The following ARL8B variants were observed in gnomAD, a reference collection of about 807,000 sequenced individuals.
ARL8B encodes the protein ADP-ribosylation factor-like protein 8B.
In ARL8B, 9 loss-of-function variants were observed where a neutral mutation model predicts 30.6. The ratio of observed to expected loss-of-function variants is 0.29; its 90% confidence interval spans 0.18 to 0.51. The LOEUF is 0.51. Among genes scored for constraint, ARL8B ranks in the 20% least tolerant of loss-of-function variants. The pLI, the probability that ARL8B is intolerant of heterozygous loss-of-function variation, is 0.97. For missense variants in ARL8B, 130 were observed against 227.2 expected (o/e 0.57, Z 2.75); for synonymous variants, 74 against 76.0 (o/e 0.97, Z 0.14).
intron 1 of ARL8B, among the ~76,000 whole-genome samples, chr3:5,123,600 G>A (rs565745187): frequency 6.6e-6 from 1 of 152,306 alleles, no homozygotes; most frequent in Admixed American, 6.5e-5. Context: ...GTTCTGAAGA[G>A]AGATGGCAGC....
chr3:5,142,612 C>A (rs187768232), intron 1 of ARL8B, among the ~76,000 whole-genome samples: 16 of 152,228 alleles, frequency 1.1e-4, no homozygotes, highest in African/African-American at 3.9e-4. Flanking sequence ...ATCCCTGCAC[C>A]CTGTCTCAAT....
intron 1 of ARL8B, among the ~76,000 whole-genome samples, chr3:5,164,124 A>G (rs867851867): frequency 1.3e-5 from 2 of 152,144 alleles, no homozygotes; most frequent in South Asian, 4.1e-4. Flanking sequence ...TTTGAATTCC[A>G]TGAATACTGT....
intron 1 of ARL8B, among the ~76,000 whole-genome samples, chr3:5,163,740 C>T (rs1014891294): frequency 1.3e-4 from 20 of 152,056 alleles, no homozygotes; most frequent in Non-Finnish European, 5.9e-5. Flanking sequence ...CATGGTGGCA[C>T]GCGCGTGTAA....
At chr3:5,134,136 A>G (rs755663231) in intron 1 of ARL8B, among the ~76,000 whole-genome samples, 2 of 152,218 alleles carry the variant, frequency 1.3e-5, no homozygotes, top group Non-Finnish European at 2.9e-5. Context: ...GTTGAGATCC[A>G]TTCCTAGTTT....
intron 1 of ARL8B, among the ~76,000 whole-genome samples, chr3:5,129,920 G>A (rs2054267177): frequency 6.6e-6 from 1 of 152,110 alleles, no homozygotes; most frequent in African/African-American, 2.4e-5. Flanking sequence ...CTGTAGTATA[G>A]TGGCATGATC....
chr3:5,171,964 T>C (rs1372163355), intron 2 of ARL8B, among the ~76,000 whole-genome samples, 186 bp from the exon 3 acceptor site: 1 of 152,222 alleles, frequency 6.6e-6, no homozygotes, highest in East Asian at 1.9e-4. Context: ...GGACTTCAAG[T>C]TTAGAAGTGG....
chr3:5,174,466 T>A, intron 6 of ARL8B, 52 bp downstream of exon 6: 1 of 1,160,126 alleles, frequency 8.6e-7, no homozygotes, highest in Non-Finnish European at 1.3e-6. Context: ...GGAAGGAATG[T>A]CTATGCTTCT....
At chr3:5,136,101 A>T (rs1021986328) in intron 1 of ARL8B, among the ~76,000 whole-genome samples, 2 of 148,052 alleles carry the variant, frequency 1.4e-5, no homozygotes, top group African/African-American at 5.1e-5. Context: ...TATTATTATT[A>T]TTTTTATTAT....
chr3:5,143,873 T>C (rs914165744), intron 1 of ARL8B, among the ~76,000 whole-genome samples: 1 of 152,240 alleles, frequency 6.6e-6, no homozygotes, highest in African/African-American at 2.4e-5. Flanking sequence ...TGCCCAAATA[T>C]GGGAGCCCAT....
chr3:5,151,431 A>G (rs908051402), intron 1 of ARL8B, among the ~76,000 whole-genome samples: 1 of 152,142 alleles, frequency 6.6e-6, no homozygotes, highest in African/African-American at 2.4e-5. Context: ...CGACAGAGCA[A>G]GACCCTGTCT....
At chr3:5,135,963 A>G (rs533778807) in intron 1 of ARL8B, among the ~76,000 whole-genome samples, 106 of 148,844 alleles carry the variant, frequency 7.1e-4, no homozygotes, top group African/African-American at 2.5e-3. Flanking sequence ...ATTTTTTTGT[A>G]TTTTAGTAGA....
chr3:5,149,558 G>A (rs920928796), intron 1 of ARL8B, among the ~76,000 whole-genome samples: 3 of 152,226 alleles, frequency 2.0e-5, no homozygotes, highest in African/African-American at 4.8e-5. Flanking sequence ...GTTGAGTACT[G>A]TGGAGTTACA....
chr3:5,149,768 G>C (rs1429337889), intron 1 of ARL8B, among the ~76,000 whole-genome samples: 2 of 152,190 alleles, frequency 1.3e-5, no homozygotes, highest in African/African-American at 4.8e-5. Context: ...CTGGCTGCCA[G>C]TCCTTAGGTT....
At chr3:5,169,032 G>T (rs933698727) in intron 1 of ARL8B, among the ~76,000 whole-genome samples, 2 of 152,088 alleles carry the variant, frequency 1.3e-5, no homozygotes, top group African/African-American at 2.4e-5. Flanking sequence ...CCTGTTCTAT[G>T]AAATGATAAT....
intron 1 of ARL8B, among the ~76,000 whole-genome samples, chr3:5,164,068 C>A (rs897803843): frequency 1.3e-5 from 2 of 152,142 alleles, no homozygotes; most frequent in Non-Finnish European, 2.9e-5. Flanking sequence ...CCGCAGTCGG[C>A]CCTGCACATA....
At chr3:5,126,689 A>C (rs887803049) in intron 1 of ARL8B, among the ~76,000 whole-genome samples, 5 of 152,196 alleles carry the variant, frequency 3.3e-5, no homozygotes, top group Non-Finnish European at 7.4e-5. Context: ...TTTTATGTAG[A>C]GACACTTGAT....
rs776816438 is a variant in ARL8B at position 5,172,661 on chromosome 3, CT to C, written c.294del (p.Ala99GlnfsTer6). Reference sequence around the variant, plus strand: ...ATTTTTTTAAGTTACATGATAGATGCTGCAGATCGTGAAAAGATAGAAGCTT... The same window carrying C: ...ATTTTTTTAAGTTACATGATAGATGCGCAGATCGTGAAAAGATAGAAGCTT... The part of the protein sequence containing the change: ...GVNAIVYMID[A>X]ADREKIEASR... On this transcript the variant is annotated frameshift_variant, in exon 4 of 7. Transcript: ENST00000256496. LOFTEE classifies it high-confidence loss of function. The C allele has an allele frequency of 6.2e-7, 1 of 1,611,664 alleles. No homozygotes were observed. Among genetic ancestry groups the C allele is most frequent in the Non-Finnish European group, 8.5e-7 (1 of 1,178,482 alleles).
rs142522660 is a variant in ARL8B, at chr3:5,159,980, T to C, written c.124-10523T>C. ...TTAGAGACCAACCAGGACAATAGTA[T>C]CAAGGCCTGAAAATGTGACTGGTAT... is the stretch of plus-strand genomic sequence containing the variant. On this transcript the variant is annotated intron_variant, in intron 1 of 6. Coordinates refer to ENST00000256496, the MANE Select transcript of ARL8B (RefSeq NM_018184.3). Among the ~76,000 whole-genome samples, 1,272 of 152,278 alleles carry C rather than the reference T, an allele frequency of 8.4e-3. 14 individuals are homozygous for C. The highest frequency in any genetic ancestry group is 0.028 in the African/African-American group (1,183 of 41,544).
chr3:5,161,065 A>G (rs888443406), intron 1 of ARL8B, among the ~76,000 whole-genome samples: 14 of 152,196 alleles, frequency 9.2e-5, no homozygotes, highest in African/African-American at 3.1e-4. Context: ...GACCGCAGGC[A>G]TGCCCCATCA....
Sources: gnomAD v4.1 joint callset for allele counts (sites outside exome capture counted in the v4.1 genomes callset) on GRCh38, gnomAD v4.1.1 for gene constraint, MANE v1.5 for transcripts, NCBI Gene and HGNC (gene_info 2026-07-23, HGNC 2026-07-21) for gene names.